Variants in CACNA2D3 observed in about 807,000 individuals in gnomAD.
The protein encoded by CACNA2D3 is voltage-dependent calcium channel subunit alpha-2/delta-3.
Under a neutral mutation model 160.6 loss-of-function variants are expected in CACNA2D3, and 60 were observed. The ratio of observed to expected loss-of-function variants is 0.37; its 90% CI spans 0.30 to 0.46. The LOEUF (loss-of-function observed/expected upper bound fraction) is 0.46. Ranked by LOEUF, CACNA2D3 falls within the 20% of genes least tolerant of loss-of-function variation. The pLI, the probability that CACNA2D3 is intolerant of heterozygous loss-of-function variation, is 1.00. For missense variants in CACNA2D3, 1,205 were observed against 1,365.0 expected, an observed-to-expected ratio of 0.88 and a Z score of 1.85; for synonymous variants, 558 against 492.9, an observed-to-expected ratio of 1.13 and a Z score of -1.75.
chr3:55,049,545 G>A (rs1278917273), intron 35 of CACNA2D3, among the ~76,000 whole-genome samples: 1 of 142,286 alleles, frequency 7.0e-6, no homozygotes, highest in African/African-American at 2.7e-5. Flanking sequence ...TTTTGGAATA[G>A]GTGTGGTGTG....
intron 4 of CACNA2D3, among the ~76,000 whole-genome samples, chr3:54,488,908 G>C (rs959055059): frequency 1.3e-5 from 2 of 152,184 alleles, no homozygotes; most frequent in African/African-American, 4.8e-5. Flanking sequence ...TTCAGAGGCA[G>C]CTGTCCTAGG....
intron 4 of CACNA2D3, among the ~76,000 whole-genome samples, chr3:54,403,686 A>G (rs553116816): frequency 1.3e-5 from 2 of 152,318 alleles, no homozygotes; most frequent in Non-Finnish European, 2.9e-5. Context: ...TAGAAAAACC[A>G]TAGAAAAAAT....
At chr3:54,814,376 CAA>C (rs1409519617) in intron 13 of CACNA2D3, among the ~76,000 whole-genome samples, 1 of 152,210 alleles carries the variant, frequency 6.6e-6, no homozygotes, top group Non-Finnish European at 1.5e-5. Context: ...GCATATGCCT[CAA>C]GACTTGAGTC....
At chr3:54,936,345 C>T (rs542656644) in intron 27 of CACNA2D3, among the ~76,000 whole-genome samples, 64 of 152,272 alleles carry the variant, frequency 4.2e-4, no homozygotes, top group African/African-American at 1.5e-3. Flanking sequence ...CCCATCTTTT[C>T]GTATTATAAA....
chr3:54,857,756 G>C (rs1699203708), intron 17 of CACNA2D3, among the ~76,000 whole-genome samples: 1 of 152,178 alleles, frequency 6.6e-6, no homozygotes, highest in Non-Finnish European at 1.5e-5. Context: ...CTGTAGACTA[G>C]AGCTTCAAAT....
chr3:54,899,696 A>G, intron 26 of CACNA2D3, 92 bp from the exon 27 acceptor site: 1 of 943,848 alleles, frequency 1.1e-6, no homozygotes, highest in Non-Finnish European at 1.6e-6. Context: ...AACAATTTGC[A>G]GAATTGGTGA....
intron 31 of CACNA2D3, among the ~76,000 whole-genome samples, chr3:55,002,728 A>C: frequency 6.6e-6 from 1 of 152,318 alleles, no homozygotes; most frequent in East Asian, 1.9e-4. Context: ...CTACGTGACC[A>C]CTGGTATCCC....
chr3:54,309,991 G>T (rs964567882), intron 2 of CACNA2D3, among the ~76,000 whole-genome samples: 1 of 151,748 alleles, frequency 6.6e-6, no homozygotes, highest in Admixed American at 6.6e-5. Context: ...ACAGTCTTTT[G>T]TTCAGATTCA....
chr3:54,293,302 C>G (rs2107480308), intron 2 of CACNA2D3, among the ~76,000 whole-genome samples: 1 of 152,184 alleles, frequency 6.6e-6, no homozygotes. Context: ...CACCCATCAC[C>G]TGAGCAGTAT....
At chr3:55,005,182 G>A (rs1311569153) in intron 32 of CACNA2D3, among the ~76,000 whole-genome samples, 2 of 151,882 alleles carry the variant, frequency 1.3e-5, no homozygotes, top group Admixed American at 6.6e-5. Flanking sequence ...AGGCTGAGGC[G>A]GGAGAACCGC....
At chr3:55,014,828 A>T (rs1163031067) in intron 34 of CACNA2D3, among the ~76,000 whole-genome samples, 1 of 152,188 alleles carries the variant, frequency 6.6e-6, no homozygotes, top group Non-Finnish European at 1.5e-5. Flanking sequence ...GCAACTGCAC[A>T]TATATGTGGT....
At chr3:54,796,056 T>G (rs140032277) in intron 13 of CACNA2D3, among the ~76,000 whole-genome samples, 91 of 152,330 alleles carry the variant, frequency 6.0e-4, no homozygotes, top group African/African-American at 2.0e-3. Flanking sequence ...AAAATAAGCC[T>G]GAAGTGGTAT....
chr3:54,168,031 C>A (rs1428336639), intron 2 of CACNA2D3, among the ~76,000 whole-genome samples: 1 of 152,194 alleles, frequency 6.6e-6, no homozygotes. Flanking sequence ...TAAGCACTTT[C>A]CTTCACTCCT....
At chr3:54,800,552 T>C (rs957841474) in intron 13 of CACNA2D3, among the ~76,000 whole-genome samples, 4 of 152,192 alleles carry the variant, frequency 2.6e-5, no homozygotes, top group African/African-American at 9.7e-5. Flanking sequence ...GTGAGAATTT[T>C]CAGGACATTA....
intron 4 of CACNA2D3, among the ~76,000 whole-genome samples, chr3:54,502,415 A>G (rs1701308725): frequency 1.3e-5 from 2 of 152,218 alleles, no homozygotes; most frequent in Admixed American, 6.5e-5. Context: ...CTAATGAACC[A>G]GCAAAGGTAT....
chr3:54,727,558 C>T (rs985285175), intron 11 of CACNA2D3, among the ~76,000 whole-genome samples: 18 of 152,132 alleles, frequency 1.2e-4, no homozygotes, highest in African/African-American at 4.3e-4. Context: ...ACATATACAC[C>T]ATGGAATACT....
intron 4 of CACNA2D3, among the ~76,000 whole-genome samples, chr3:54,425,581 C>T (rs1699900734): frequency 6.6e-6 from 1 of 152,212 alleles, no homozygotes; most frequent in Admixed American, 6.5e-5. Flanking sequence ...CTCAGCTCTA[C>T]CCCACCTGAA....
intron 5 of CACNA2D3, among the ~76,000 whole-genome samples, chr3:54,549,194 C>A (rs1404913808): frequency 1.3e-5 from 2 of 152,186 alleles, no homozygotes; most frequent in East Asian, 3.9e-4. Flanking sequence ...CGCCTGTAAT[C>A]CCAGCACTTT....
chr3:54,807,370 C>T (rs1052554997), intron 13 of CACNA2D3, among the ~76,000 whole-genome samples: 2 of 152,138 alleles, frequency 1.3e-5, no homozygotes, highest in Non-Finnish European at 2.9e-5. Flanking sequence ...AAAAAACAAA[C>T]AACCCCATCA....
Sources: allele counts gnomAD v4.1 joint callset (sites outside exome capture counted in the v4.1 genomes callset), GRCh38; gene constraint gnomAD v4.1.1; transcripts MANE v1.5; gene names NCBI Gene and HGNC (gene_info 2026-07-23, HGNC 2026-07-21).